Variants in PODXL observed in about 807,000 individuals in gnomAD.
The protein encoded by PODXL is podocalyxin like.
Under a neutral mutation model 48.9 loss-of-function variants are expected in PODXL, and 20 were observed. The ratio of observed to expected loss-of-function variants is 0.41; its 90% CI spans 0.29 to 0.59. The LOEUF (loss-of-function observed/expected upper bound fraction) is 0.59. Among genes scored for constraint, PODXL ranks in the 20% least tolerant of loss-of-function variants. The probability of loss-of-function intolerance (pLI) is 0.31; values close to 1 mark genes in which losing one functional copy is unlikely to be tolerated. For synonymous variants in PODXL, 295 were observed against 287.4 expected (o/e 1.03, Z -0.27); for missense variants, 606 against 675.1 (o/e 0.90, Z 1.13).
At chr7:131,539,961 C>T (rs916246429) in intron 1 of PODXL, among the ~76,000 whole-genome samples, 10 of 152,212 alleles carry the variant, frequency 6.6e-5, no homozygotes, top group African/African-American at 2.2e-4. Context: ...AGCATATTGG[C>T]CAGACTCTGC....
chr7:131,503,086 C>CT lies in PODXL; in HGVS notation c.*1224dup, dbSNP rs1482224441. On this transcript the variant is annotated 3_prime_UTR_variant, in exon 9 of 9. Coordinates refer to ENST00000378555, the MANE Select transcript of PODXL (RefSeq NM_001018111.3). Reference sequence around the variant, plus strand: ...AGCTAACTGGACGTCTGCCAACTGTCTGAGCTTTTGGCCTTTGGCAGTGGA... The same window carrying CT: ...AGCTAACTGGACGTCTGCCAACTGTCTTGAGCTTTTGGCCTTTGGCAGTGGA... The CT allele has an allele frequency of 1.3e-5, 2 of 152,630 alleles. No homozygotes were observed. The highest frequency in any genetic ancestry group is 2.9e-5 in the Non-Finnish European group (2 of 68,088). 9.5% of individuals were successfully genotyped at this position (152,630 alleles called of 1,614,324 possible). A position where few individuals can be genotyped will look rare whatever the true frequency, so the allele number is the denominator to read the frequency against.
chr7:131,552,700 C>T (rs1039377201), intron 1 of PODXL, among the ~76,000 whole-genome samples: 9 of 152,156 alleles, frequency 5.9e-5, no homozygotes, highest in South Asian at 2.1e-4. Context: ...CTCCTAACCC[C>T]GCCATGTCCA....
chr7:131,502,151 C>G lies in PODXL; in HGVS notation c.*2160G>C, dbSNP rs1243575609. On this transcript the variant is annotated 3_prime_UTR_variant, in exon 9 of 9. Transcript: ENST00000378555. ...TGGCTGGTGAAGTGTGACCCAGGAT[C>G]AGCAAAGGAGGAATAATCCAGTCTG... 2 of 152,264 alleles carry G rather than the reference C, an allele frequency of 1.3e-5. No homozygotes were observed. Among genetic ancestry groups the G allele is most frequent in the African/African-American group, 4.8e-5 (2 of 41,432 alleles). 9.4% of individuals were successfully genotyped at this position (152,264 alleles called of 1,614,324 possible).
At chr7:131,505,719 A>C in intron 8 of PODXL, 149 bp downstream of exon 8, 1 of 661,056 alleles carries the variant, frequency 1.5e-6, no homozygotes, top group Non-Finnish European at 2.5e-6. Context: ...CTGTGGACTG[A>C]GGCGGCTGCC....
At position 131,503,181 on chromosome 7, in the gene PODXL, T is replaced by C. The variant is rs1562900430; in HGVS notation, c.*1130A>G. 6.6e-6 allele frequency: 1 copy of C among 152,662 alleles called. No individual in the cohort carries two copies. Among genetic ancestry groups the C allele is most frequent in the East Asian group, 1.9e-4 (1 of 5,202 alleles). The allele number at this position is 152,662 out of a possible 1,614,324, so 9.5% of individuals were successfully genotyped here. Reference sequence around the variant, plus strand: ...AAATGTCCCTGAGTTTCCTATGATATACAGGGGAAAGCCTGTCCTTCCTGG... The same window carrying C: ...AAATGTCCCTGAGTTTCCTATGATACACAGGGGAAAGCCTGTCCTTCCTGG... On this transcript the variant is annotated 3_prime_UTR_variant, in exon 9 of 9. Coordinates refer to ENST00000378555, the MANE Select transcript of PODXL (RefSeq NM_001018111.3).
intron 1 of PODXL, among the ~76,000 whole-genome samples, chr7:131,529,852 A>T (rs780376568): frequency 2.0e-5 from 3 of 151,558 alleles, no homozygotes; most frequent in Non-Finnish European, 4.4e-5. Flanking sequence ...CCTGAGCACG[A>T]CACTGTATAC....
chr7:131,512,370 A>G (rs1447553104), intron 1 of PODXL, among the ~76,000 whole-genome samples: 1 of 152,152 alleles, frequency 6.6e-6, no homozygotes, highest in African/African-American at 2.4e-5. Context: ...GTGAGGAAGG[A>G]AATGATGCAG....
At chr7:131,545,904 A>G (rs987034263) in intron 1 of PODXL, among the ~76,000 whole-genome samples, 1 of 152,264 alleles carries the variant, frequency 6.6e-6, no homozygotes, top group Non-Finnish European at 1.5e-5. Context: ...AAAGTAAAAT[A>G]AAAAACCTCA....
intron 1 of PODXL, among the ~76,000 whole-genome samples, chr7:131,534,619 C>T (rs1798339884): frequency 6.6e-6 from 1 of 152,206 alleles, no homozygotes; most frequent in Non-Finnish European, 1.5e-5. Context: ...CCTGGCTTTC[C>T]TCCTCAGGGA....
Position 131,544,184 on chromosome 7 carries a change from T to C in PODXL, c.100+12076A>G, listed in dbSNP as rs911334938. On this transcript the variant is annotated intron_variant, in intron 1 of 8. Coordinates refer to ENST00000378555, the MANE Select transcript of PODXL (RefSeq NM_001018111.3). ...ACTCAGATGGACCCTGCTGGTTTTC[T>C]TCACTGTGCCTGCCACCAGCCCTGT... is the stretch of plus-strand genomic sequence containing the variant. Among the ~76,000 whole-genome samples, 32 of 152,190 alleles carry C rather than the reference T, an allele frequency of 2.1e-4. 1 individual carries two copies. Among genetic ancestry groups the C allele is most frequent in the African/African-American group, 7.5e-4 (31 of 41,450 alleles).
chr7:131,520,287 T>A, intron 1 of PODXL: 2 of 513,310 alleles, frequency 3.9e-6, no homozygotes, highest in Non-Finnish European at 3.8e-6. Context: ...ATCCAGAAAT[T>A]TGCCATGAAA....
intron 1 of PODXL, among the ~76,000 whole-genome samples, chr7:131,516,705 G>T (rs1273771032): frequency 6.7e-6 from 1 of 149,944 alleles, no homozygotes; most frequent in Non-Finnish European, 1.5e-5. Context: ...ATAATTGTGG[G>T]TCACGCTTTG....
intron 1 of PODXL, among the ~76,000 whole-genome samples, chr7:131,544,887 T>G (rs948011969): frequency 1.3e-5 from 2 of 152,142 alleles, no homozygotes; most frequent in Non-Finnish European, 2.9e-5. Flanking sequence ...ATGAGACCCA[T>G]GCACTCAGCA....
chr7:131,556,296 A>ACGT lies in PODXL; in HGVS notation c.63_64insACG (p.Pro21_Ser22insThr). 7.8e-7 allele frequency: 1 copy of ACGT among 1,275,574 alleles called. No individual in the cohort carries two copies. The highest frequency in any genetic ancestry group is 2.7e-5 in the Admixed American group (1 of 37,048). 79.0% of individuals were successfully genotyped at this position (1,275,574 alleles called of 1,614,324 possible). Reference sequence around the variant, plus strand: ...GGCGACGGCGACGGCGACGGCGACGACGGCAGCAGCGGCGGCGTTGACAAC... The same window carrying ACGT: ...GGCGACGGCGACGGCGACGGCGACGACGTCGGCAGCAGCGGCGGCGTTGACAAC... On this transcript the variant is annotated inframe_insertion, in exon 1 of 9. Coordinates refer to ENST00000378555, the MANE Select transcript of PODXL (RefSeq NM_001018111.3).
chr7:131,507,991 TGTTCTA>T (rs891834219), intron 5 of PODXL, among the ~76,000 whole-genome samples: 14 of 152,246 alleles, frequency 9.2e-5, no homozygotes, highest in Non-Finnish European at 1.5e-5. Flanking sequence ...TGTTCAGGTC[TGTTCTA>T]GTTCTAGTTC....
chr7:131,511,607 T>TCTGTCTTTTTTTTTTCTTCTTC (rs1797915999), intron 1 of PODXL, among the ~76,000 whole-genome samples, 174 bp from the exon 2 acceptor site: 3 of 152,050 alleles, frequency 2.0e-5, no homozygotes, highest in Non-Finnish European at 4.4e-5. Flanking sequence ...ACCTCTTTTT[T>TCTGTCTTTTTTTTTTCTTCTTC]CTGTCTTTTT....
intron 1 of PODXL, among the ~76,000 whole-genome samples, chr7:131,555,786 C>G (rs1192437605): frequency 2.6e-5 from 4 of 152,216 alleles, no homozygotes; most frequent in African/African-American, 9.6e-5. Flanking sequence ...TGGGCCGTGG[C>G]TGGAGGCTTG....
intron 1 of PODXL, among the ~76,000 whole-genome samples, chr7:131,529,059 C>T (rs12706977): frequency 0.53 from 80,231 of 151,752 alleles, 25,129 homozygotes; most frequent in Admixed American, 0.69. Context: ...GGGGGGGAAA[C>T]GGGAATGACC....
chr7:131,506,508 A>G (rs1284695557), intron 6 of PODXL, 71 bp downstream of exon 6: 22 of 1,538,314 alleles, frequency 1.4e-5, no homozygotes, highest in African/African-American at 5.4e-5. Flanking sequence ...CCACCCTCCA[A>G]TGTGGCTTCT....
Sources: gnomAD v4.1 joint callset for allele counts (sites outside exome capture counted in the v4.1 genomes callset) on GRCh38, gnomAD v4.1.1 for gene constraint, MANE v1.5 for transcripts, NCBI Gene and HGNC (gene_info 2026-07-23, HGNC 2026-07-21) for gene names.